Variants in UBXN2B observed in about 807,000 individuals in gnomAD.
UBXN2B encodes UBX domain-containing protein 2B.
In UBXN2B, 19 loss-of-function variants were observed where a neutral mutation model predicts 37.5. That is an observed-to-expected ratio of 0.51 (90% confidence interval 0.35 to 0.74). UBXN2B has a LOEUF of 0.74. UBXN2B is among the 30% of genes least tolerant of loss of function. UBXN2B has a pLI of 0.01. For synonymous variants in UBXN2B, 145 were observed against 143.8 expected (o/e 1.01, Z -0.06); for missense variants, 370 against 393.2 (o/e 0.94, Z 0.50).
chr8:58,412,902 C>G (rs997551416), intron 1 of UBXN2B, among the ~76,000 whole-genome samples: 2 of 152,194 alleles, frequency 1.3e-5, no homozygotes, highest in African/African-American at 4.8e-5. Flanking sequence ...CCTTTTTCCT[C>G]AGGAGAAAGA....
chr8:58,425,174 C>G (rs1320571400), intron 2 of UBXN2B: 1 of 891,396 alleles, frequency 1.1e-6, no homozygotes, highest in Non-Finnish European at 1.9e-6. Context: ...AGTTTAAGTT[C>G]TCTTAGCATA....
chr8:58,433,116 G>T, intron 3 of UBXN2B, 44 bp from the exon 4 acceptor site: 1 of 1,464,260 alleles, frequency 6.8e-7, no homozygotes, highest in Non-Finnish European at 9.5e-7. Context: ...ACTTTTTGCT[G>T]AATAATCCTT....
At chr8:58,431,249 C>T (rs114137316) in intron 3 of UBXN2B, among the ~76,000 whole-genome samples, 12 of 152,222 alleles carry the variant, frequency 7.9e-5, no homozygotes, top group Admixed American at 2.6e-4. Flanking sequence ...TTTGGGAGGC[C>T]GAAGCAGGCA....
chr8:58,431,799 T>C (rs1184073472), intron 3 of UBXN2B, among the ~76,000 whole-genome samples: 2 of 152,244 alleles, frequency 1.3e-5, no homozygotes, highest in Non-Finnish European at 2.9e-5. Flanking sequence ...ATTTTATTTG[T>C]CTAATAACTA....
chr8:58,427,277 CT>C (rs1437064693), intron 2 of UBXN2B, among the ~76,000 whole-genome samples: 1 of 152,162 alleles, frequency 6.6e-6, no homozygotes, highest in Non-Finnish European at 1.5e-5. Context: ...CAAGACCAGC[CT>C]GGTTAACAGG....
intron 2 of UBXN2B, among the ~76,000 whole-genome samples, chr8:58,424,244 A>G (rs76586491): frequency 1.3e-5 from 2 of 151,800 alleles, no homozygotes; most frequent in Non-Finnish European, 2.9e-5. Flanking sequence ...AAAAAAAAAA[A>G]GCCTGTAACT....
At chr8:58,434,747 A>C in intron 5 of UBXN2B, 1 of 1,477,962 alleles carries the variant, frequency 6.8e-7, no homozygotes, top group South Asian at 1.3e-5. Flanking sequence ...TTAAAATCTG[A>C]TGAAACTATG....
intron 4 of UBXN2B, among the ~76,000 whole-genome samples, chr8:58,433,612 A>T (rs1309512251): frequency 8.4e-5 from 9 of 107,606 alleles, no homozygotes; most frequent in Non-Finnish European, 1.1e-4. Context: ...CTATCTCTTT[A>T]AAAAAAAAAA....
chr8:58,427,486 G>T (rs1380262361), intron 2 of UBXN2B, among the ~76,000 whole-genome samples: 1 of 152,188 alleles, frequency 6.6e-6, no homozygotes, highest in African/African-American at 2.4e-5. Flanking sequence ...ATAAATTTTG[G>T]ATTGAGGTAG....
In UBXN2B at chr8:58,411,462, A is replaced by G; in HGVS notation, c.77A>G (p.Asp26Gly). 1 of 1,254,232 alleles carries G rather than the reference A, an allele frequency of 8.0e-7. No homozygotes were observed. 77.7% of individuals were successfully genotyped at this position (1,254,232 alleles called of 1,614,324 possible). A position where few individuals can be genotyped will look rare whatever the true frequency, so the allele number is the denominator to read the frequency against. Reference sequence around the variant, plus strand: ...GGGCCGCGGCCTCCGAGCGCGCGGGATTTGCAGGTGAGGCGAGGAGCCGGG... The same window carrying G: ...GGGCCGCGGCCTCCGAGCGCGCGGGGTTTGCAGGTGAGGCGAGGAGCCGGG... ...SSGPRPPSAR[D>G]LQLALAELYE... The change falls in exon 1 of 8, where the codon GAT (aspartate) becomes GGT (glycine). Residue 26 changes from aspartate to glycine, a missense_variant. Coordinates refer to ENST00000399598, the MANE Select transcript of UBXN2B (RefSeq NM_001077619.2).
intron 6 of UBXN2B, 36 bp downstream of exon 6, chr8:58,439,806 A>G (rs576146278): frequency 7.6e-5 from 118 of 1,562,496 alleles, no homozygotes; most frequent in Non-Finnish European, 9.3e-5. Flanking sequence ...ACCTTTGTTG[A>G]ACATGAATTT....
At position 58,448,514 on chromosome 8, in the gene UBXN2B, C is replaced by G. The variant is rs1336809502; in HGVS notation, c.*963C>G. On this transcript the variant is annotated 3_prime_UTR_variant, in exon 8 of 8. Coordinates refer to ENST00000399598, the MANE Select transcript of UBXN2B (RefSeq NM_001077619.2). ...CTTAAGAAGATATGGTAAACAGCAA[C>G]AATATTTTAAAATCAAGTAATTACA... 1 of 152,124 alleles carries G rather than the reference C, an allele frequency of 6.6e-6. No individual in the cohort carries two copies. Among genetic ancestry groups the G allele is most frequent in the Non-Finnish European group, 1.5e-5 (1 of 68,026 alleles). 9.4% of individuals were successfully genotyped at this position (152,124 alleles called of 1,614,324 possible).
Position 58,439,585 on chromosome 8 carries a change from T to C in UBXN2B, c.534-48T>C, listed in dbSNP as rs773331355. On this transcript the variant is annotated intron_variant, in intron 5 of 7. Coordinates refer to ENST00000399598, the MANE Select transcript of UBXN2B (RefSeq NM_001077619.2). ...TTACAGTAATCTCAACAGTGTAGTT[T>C]AATTCTTGGAAAACTTAATGATAAC... 28 of 1,576,806 alleles carry C rather than the reference T, an allele frequency of 1.8e-5. No individual in the cohort carries two copies. The Admixed American group carries it at 4.1e-4, about 23-fold the overall frequency.
At chr8:58,434,890 A>G in intron 5 of UBXN2B, 1 of 1,535,662 alleles carries the variant, frequency 6.5e-7, no homozygotes. Flanking sequence ...CCTGAAATTC[A>G]GCAACTTATG....
intron 5 of UBXN2B, among the ~76,000 whole-genome samples, chr8:58,438,573 C>G (rs1272886490): frequency 2.6e-5 from 4 of 152,216 alleles, no homozygotes; most frequent in African/African-American, 7.2e-5. Context: ...TTGCCTCTTT[C>G]TTTTGGCAGA....
intron 2 of UBXN2B, chr8:58,425,268 G>T: frequency 8.7e-7 from 1 of 1,147,182 alleles, no homozygotes; most frequent in Non-Finnish European, 1.3e-6. Flanking sequence ...GCCAGTATTT[G>T]ACACATTTAC....
At chr8:58,435,107 G>A (rs1343185199) in intron 5 of UBXN2B, 1 of 1,413,776 alleles carries the variant, frequency 7.1e-7, no homozygotes, top group East Asian at 2.6e-5. Context: ...GATTAAACTA[G>A]CTGAAAGTGG....
chr8:58,443,205 C>T (rs1310376679), intron 6 of UBXN2B, among the ~76,000 whole-genome samples: 4 of 152,126 alleles, frequency 2.6e-5, no homozygotes, highest in Admixed American at 6.6e-5. Flanking sequence ...TAGAACCTGA[C>T]GGGAATTCAC....
intron 5 of UBXN2B, among the ~76,000 whole-genome samples, chr8:58,437,894 A>G (rs896755494): frequency 6.6e-6 from 1 of 152,104 alleles, no homozygotes; most frequent in Admixed American, 6.6e-5. Flanking sequence ...GCCTAGTGCT[A>G]CTAATCAAGA....
Sources: gnomAD v4.1 joint callset for allele counts (sites outside exome capture counted in the v4.1 genomes callset) on GRCh38, gnomAD v4.1.1 for gene constraint, MANE v1.5 for transcripts, NCBI Gene and HGNC (gene_info 2026-07-23, HGNC 2026-07-21) for gene names.